The following MUSK variants were observed in gnomAD, a reference collection of about 807,000 sequenced individuals.
MUSK encodes muscle, skeletal receptor tyrosine-protein kinase.
MUSK carries 55 observed loss-of-function variants against 88.7 expected under a neutral mutation model. The observed-to-expected ratio is 0.62, with a 90% CI of 0.50 to 0.78. The LOEUF (loss-of-function observed/expected upper bound fraction) is 0.78, where lower values mean the gene tolerates loss of function less well. Among genes scored for constraint, MUSK ranks in the 30% least tolerant of loss-of-function variants. The pLI is 0.00. For missense variants in MUSK, 1,015 were observed against 1,074.3 expected (o/e 0.94, Z 0.77); for synonymous variants, 387 against 391.9 (o/e 0.99, Z 0.15).
intron 7 of MUSK, among the ~76,000 whole-genome samples, chr9:110,749,358 A>G (rs1185095356): frequency 2.6e-5 from 4 of 152,164 alleles, no homozygotes; most frequent in African/African-American, 7.2e-5. Flanking sequence ...AAGAGGTATC[A>G]TTGGAGCAGA....
intron 1 of MUSK, among the ~76,000 whole-genome samples, chr9:110,678,171 G>T (rs922672252): frequency 6.6e-6 from 1 of 152,138 alleles, no homozygotes; most frequent in South Asian, 2.1e-4. Context: ...GAGTGCAGTG[G>T]TGCAATCACA....
At chr9:110,755,951 C>CACATACATATATATATAT (rs1460934414) in intron 7 of MUSK, among the ~76,000 whole-genome samples, 1 of 101,792 alleles carries the variant, frequency 9.8e-6, no homozygotes, top group Non-Finnish European at 1.9e-5. Flanking sequence ...TATATATATA[C>CACATACATATATATATAT]ACATATATAT....
At position 110,747,908 on chromosome 9, in the gene MUSK, C is replaced by T. The variant is rs768741468; in HGVS notation, c.913+108C>T. The T allele has an allele frequency of 4.2e-6, 6 of 1,414,670 alleles. No individual in the cohort carries two copies. In the Middle Eastern group the frequency reaches 5.3e-4, roughly 124 times the overall value. The allele number at this position is 1,414,670 out of a possible 1,614,324, so 87.6% of individuals were successfully genotyped here. Reference sequence around the variant, plus strand: ...CTCCCTTTTCTTTTATCTCTTATTTCAGTTGCATTTGGGCTATTTCCTCCC... The same window carrying T: ...CTCCCTTTTCTTTTATCTCTTATTTTAGTTGCATTTGGGCTATTTCCTCCC... On this transcript the variant is annotated intron_variant, in intron 7 of 14. Transcript: ENST00000374448.
intron 6 of MUSK, among the ~76,000 whole-genome samples, chr9:110,741,055 G>A (rs1005681383): frequency 6.6e-6 from 1 of 152,110 alleles, no homozygotes; most frequent in African/African-American, 2.4e-5. Context: ...TACTGTAGAT[G>A]TAATGTACAA....
Position 110,803,753 on chromosome 9 carries a change from CCTAAGTG to C in MUSK, c.*2768_*2774del, listed in dbSNP as rs2078125491. Among the ~76,000 whole-genome samples, 1 of 152,018 alleles carries C rather than the reference CCTAAGTG, an allele frequency of 6.6e-6. No homozygotes were observed. The highest frequency in any genetic ancestry group is 6.6e-5 in the Admixed American group (1 of 15,260). ...TCAAGTTAAGATCACTGACTTATTC[CCTAAGTG>C]CTCGATCTAATGTTCTGAATCACAG... On this transcript the variant is annotated 3_prime_UTR_variant, in exon 15 of 15. Transcript: ENST00000374448.
intron 6 of MUSK, 133 bp from the exon 7 acceptor site, chr9:110,747,508 A>C: frequency 1.1e-6 from 1 of 878,708 alleles, no homozygotes; most frequent in East Asian, 2.5e-5. Flanking sequence ...CAGGGAGGGA[A>C]AATCTTTTGG....
At chr9:110,774,622 C>T (rs1202654139) in intron 9 of MUSK, among the ~76,000 whole-genome samples, 1 of 152,096 alleles carries the variant, frequency 6.6e-6, no homozygotes, top group Non-Finnish European at 1.5e-5. Context: ...CCAAGCTAAG[C>T]AACTCTCCTC....
chr9:110,698,542 A>T (rs2076461901), intron 5 of MUSK, among the ~76,000 whole-genome samples: 1 of 152,098 alleles, frequency 6.6e-6, no homozygotes. Context: ...ATAGTTTTCT[A>T]TTAACTCCTT....
chr9:110,682,726 G>A lies in MUSK; in HGVS notation c.132G>A (p.Val44=). Residue 44 remains valine, a synonymous_variant, in exon 2 of 15, where the codon GTG becomes GTA. Transcript: ENST00000374448. ...LETVDALVEE[V]ATFMCAVESY... is the part of the protein sequence containing the mutation. ...CAGTGGATGCCTTAGTTGAAGAAGT[G>A]GCTACTTTCATGTGTGCAGTGGAAT... The A allele has an allele frequency of 1.9e-6, 3 of 1,612,756 alleles. No homozygotes were observed. The highest frequency in any genetic ancestry group is 2.5e-6 in the Non-Finnish European group (3 of 1,178,982).
rs138418494 is a variant in MUSK at position 110,800,581 on chromosome 9, G to A, written c.2203G>A (p.Glu735Lys). 6.1e-4 allele frequency: 980 copies of A among 1,609,884 alleles called. No homozygotes were observed. The highest frequency in any genetic ancestry group is 7.9e-4 in the Non-Finnish European group (933 of 1,177,684). Residue 735 changes from glutamate to lysine, a missense_variant, in exon 15 of 15, where the codon GAG becomes AAG. By Grantham distance (56) the Glu-to-Lys change is moderately conservative. Coordinates refer to ENST00000374448, the MANE Select transcript of MUSK (RefSeq NM_005592.4). ...AGCCACCAGGAACTGCCTGGTGGGC[G>A]AGAACATGGTGGTGAAAATTGCCGA... ...DLATRNCLVG[E>K]NMVVKIADFG... is the part of the protein sequence containing the mutation.
Position 110,743,404 on chromosome 9 carries a change from A to G in MUSK, c.754-4237A>G, listed in dbSNP as rs1564259484. On this transcript the variant is annotated intron_variant, in intron 6 of 14. Transcript: ENST00000374448. ...ACAATCTTGGAAATAGTAGTTTGGC[A>G]TGGAAAGAGCAGAGCTTACTTTTTA... Among the ~76,000 whole-genome samples the G allele has an allele frequency of 2.0e-5, 3 of 152,334 alleles. No homozygotes were observed. In the South Asian group the frequency reaches 6.2e-4, roughly 32 times the overall value.
intron 1 of MUSK, among the ~76,000 whole-genome samples, chr9:110,678,153 C>T (rs1455322012): frequency 6.6e-6 from 1 of 152,084 alleles, no homozygotes; most frequent in Non-Finnish European, 1.5e-5. Flanking sequence ...TCTCTGTCAC[C>T]CAGGCTGGAG....
At chr9:110,774,366 A>T (rs2077631258) in intron 9 of MUSK, among the ~76,000 whole-genome samples, 1 of 151,982 alleles carries the variant, frequency 6.6e-6, no homozygotes, top group South Asian at 2.1e-4. Context: ...GTTCATCTTG[A>T]TTTGTTTTTT....
At chr9:110,799,658 G>A (rs541174489) in intron 14 of MUSK, among the ~76,000 whole-genome samples, 20 of 152,298 alleles carry the variant, frequency 1.3e-4, no homozygotes, top group African/African-American at 4.6e-4. Context: ...TGCCAGACAC[G>A]TGGTAGGTGT....
At chr9:110,711,677 G>A (rs1309422207) in intron 5 of MUSK, among the ~76,000 whole-genome samples, 1 of 152,122 alleles carries the variant, frequency 6.6e-6, no homozygotes. Context: ...CTTAAAGAAG[G>A]CCCATATGGT....
At chr9:110,721,354 C>G (rs1470585726) in intron 5 of MUSK, among the ~76,000 whole-genome samples, 1 of 152,100 alleles carries the variant, frequency 6.6e-6, no homozygotes, top group East Asian at 1.9e-4. Flanking sequence ...AAGACTCATC[C>G]AAAAAACTCT....
At chr9:110,682,555 A>C in intron 1 of MUSK, 119 bp from the exon 2 acceptor site, 1 of 1,036,870 alleles carries the variant, frequency 9.6e-7, no homozygotes, top group South Asian at 2.0e-5. Context: ...CTTTTGGCAA[A>C]TTTCTACTCT....
At chr9:110,787,141 T>C (rs2132032237) in intron 13 of MUSK, among the ~76,000 whole-genome samples, 1 of 152,126 alleles carries the variant, frequency 6.6e-6, no homozygotes, top group African/African-American at 2.4e-5. Flanking sequence ...GGTGGTCATA[T>C]CACGAGGTCA....
At chr9:110,670,000 T>A (rs2075937048) in intron 1 of MUSK, among the ~76,000 whole-genome samples, 1 of 152,210 alleles carries the variant, frequency 6.6e-6, no homozygotes, top group South Asian at 2.1e-4. Context: ...ATGCAAAATG[T>A]ATCTTTAGAT....
Sources: allele counts gnomAD v4.1 joint callset (sites outside exome capture counted in the v4.1 genomes callset), GRCh38; gene constraint gnomAD v4.1.1; transcripts MANE v1.5; gene names NCBI Gene and HGNC (gene_info 2026-07-23, HGNC 2026-07-21).